The following CCDC40 variants were observed in gnomAD, a reference collection of about 807,000 sequenced individuals.
CCDC40 encodes coiled-coil domain 40 molecular ruler complex subunit.
A neutral mutation model predicts 124.5 loss-of-function variants in CCDC40; 104 were observed. The ratio of observed to expected loss-of-function variants is 0.84; its 90% confidence interval spans 0.71 to 0.98. The LOEUF (loss-of-function observed/expected upper bound fraction) is 0.98, where lower values mean the gene tolerates loss of function less well. Among genes scored for constraint, CCDC40 ranks in the 50% least tolerant of loss-of-function variants. The pLI is 0.00. For synonymous variants in CCDC40, 580 were observed against 602.9 expected, an observed-to-expected ratio of 0.96 and a Z score of 0.56; for missense variants, 1,463 against 1,503.9, an observed-to-expected ratio of 0.97 and a Z score of 0.45.
intron 9 of CCDC40, among the ~76,000 whole-genome samples, chr17:80,059,341 G>A (rs763762731): frequency 7.2e-5 from 11 of 152,108 alleles, no homozygotes; most frequent in Non-Finnish European, 1.0e-4. Flanking sequence ...TCTCACCCCC[G>A]TGGGCAGCCG....
At position 80,065,494 on chromosome 17, in the gene CCDC40, G is replaced by A. The variant is rs774355310; in HGVS notation, c.1450G>A (p.Glu484Lys). 19 of 1,613,072 alleles carry A rather than the reference G, an allele frequency of 1.2e-5. No homozygotes were observed. The highest frequency in any genetic ancestry group is 3.3e-5 in the Admixed American group (2 of 60,010). The part of the protein sequence containing the change: ...LRKAVSEACT[E>K]IDAISVEKRR... Reference sequence around the variant, plus strand: ...CCCCTGTTGGCTGCAGGCCTGCACCGAGATCGACGCCATCAGCGTGGAGAA... The same window carrying A: ...CCCCTGTTGGCTGCAGGCCTGCACCAAGATCGACGCCATCAGCGTGGAGAA... Residue 484 changes from glutamate to lysine, a missense_variant, in exon 10 of 20, where the codon GAG becomes AAG. Physicochemically the swap from Glu to Lys is moderately conservative, Grantham distance 56 (BLOSUM62 1). Transcript: ENST00000397545.
chr17:80,063,900 G>A (rs1035028289), intron 9 of CCDC40, among the ~76,000 whole-genome samples: 4 of 152,142 alleles, frequency 2.6e-5, no homozygotes, highest in East Asian at 1.9e-4. Flanking sequence ...TGACTGATAC[G>A]CTAATTACCT....
chr17:80,094,900 C>T (rs1382123527), intron 17 of CCDC40, among the ~76,000 whole-genome samples: 1 of 152,056 alleles, frequency 6.6e-6, no homozygotes, highest in Non-Finnish European at 1.5e-5. Context: ...AGAAATTAAC[C>T]TTCATGCAAT....
At chr17:80,079,406 C>T (rs998079780) in intron 10 of CCDC40, among the ~76,000 whole-genome samples, 1 of 152,082 alleles carries the variant, frequency 6.6e-6, no homozygotes, top group Non-Finnish European at 1.5e-5. Flanking sequence ...TAGTGTGTCC[C>T]GCTCTGCAGC....
At position 80,065,348 on chromosome 17, in the gene CCDC40, C is replaced by T. The variant is rs78696842; in HGVS notation, c.1441-137C>T. On this transcript the variant is annotated intron_variant, in intron 9 of 19. Coordinates refer to ENST00000397545, the MANE Select transcript of CCDC40 (RefSeq NM_017950.4). ...ATTCAGGCTCGTGTTTACCCCTCTGCAGATGCATGATCAAGGAAAGTACCG... is the reference window on the plus strand; with the variant it reads ...ATTCAGGCTCGTGTTTACCCCTCTGTAGATGCATGATCAAGGAAAGTACCG... 3.4e-6 allele frequency: 4 copies of T among 1,184,326 alleles called. No individual in the cohort carries two copies. The African/African-American group carries it at 4.6e-5, about 13-fold the overall frequency. 73.4% of individuals were successfully genotyped at this position (1,184,326 alleles called of 1,614,324 possible).
At chr17:80,049,020 T>G (rs1256242294) in intron 5 of CCDC40, among the ~76,000 whole-genome samples, 2 of 152,072 alleles carry the variant, frequency 1.3e-5, no homozygotes. Flanking sequence ...TGCTGTGCCT[T>G]GCATGGTGTG....
At chr17:80,085,757 C>CCTCCTGAGTTCAAGCGATT (rs1184005223) in intron 13 of CCDC40, among the ~76,000 whole-genome samples, 1 of 151,008 alleles carries the variant, frequency 6.6e-6, no homozygotes, top group South Asian at 2.1e-4. Context: ...TGCACATCTG[C>CCTCCTGAGTTCAAGCGATT]CTCCTGAGTT....
At chr17:80,070,883 T>A (rs2038169759) in intron 10 of CCDC40, among the ~76,000 whole-genome samples, 1 of 152,204 alleles carries the variant, frequency 6.6e-6, no homozygotes. Context: ...TGACCGTGGC[T>A]GTGGGCACAC....
intron 9 of CCDC40, among the ~76,000 whole-genome samples, chr17:80,064,500 C>T (rs1028772586): frequency 6.8e-6 from 1 of 147,734 alleles, no homozygotes. Flanking sequence ...GCCCCGGGGT[C>T]GCTCCTGTAC....
rs200641382 is a variant in CCDC40 at position 80,084,922 on chromosome 17, C to G, written c.2169C>G (p.Ile723Met). The G allele has an allele frequency of 3.1e-6, 5 of 1,614,032 alleles. No homozygotes were observed. The highest frequency in any genetic ancestry group is 1.7e-5 in the Admixed American group (1 of 60,010). The change falls in exon 13 of 20, where the codon ATC (isoleucine) becomes ATG (methionine). Residue 723 changes from isoleucine (I) to methionine (M), a missense_variant. Transcript: ENST00000397545. ...QSEISRRTILIERKQGLINFL... is the reference protein window; with the variant it reads ...QSEISRRTILMERKQGLINFL... ...AGATCTCCCGGCGCACGATCCTGAT[C>G]GAGAGGAAGCAAGGGCTCATCAACT... is the stretch of plus-strand genomic sequence containing the variant.
At chr17:80,082,326 A>G (rs1197558934) in intron 12 of CCDC40, among the ~76,000 whole-genome samples, 1 of 150,054 alleles carries the variant, frequency 6.7e-6, no homozygotes, top group African/African-American at 2.5e-5. Flanking sequence ...TTCGACGTCC[A>G]TGGCAGGGAA....
In CCDC40 at chr17:80,087,750, G is replaced by C; in HGVS notation, c.2593G>C (p.Glu865Gln). Reference sequence around the variant, plus strand: ...GCTGGAGCAGAACAACCGGGTGACAGAGAATGAGTTCGTGCGCTCGCTGAA... The same window carrying C: ...GCTGGAGCAGAACAACCGGGTGACACAGAATGAGTTCGTGCGCTCGCTGAA... Reference protein sequence around the residue: ...EELEQNNRVTENEFVRSLKAS... With the variant: ...EELEQNNRVTQNEFVRSLKAS... The change falls in exon 15 of 20, where the codon GAG (glutamate) becomes CAG (glutamine). Residue 865 changes from glutamate to glutamine, a missense_variant. Transcript: ENST00000397545. This position sits in a 1 kb window ranked among gnomAD's most constrained non-coding sequence, Gnocchi z 4.5. 6.2e-7 allele frequency: 1 copy of C among 1,614,174 alleles called. No individual in the cohort carries two copies. Among genetic ancestry groups the C allele is most frequent in the East Asian group, 2.2e-5 (1 of 44,876 alleles).
At chr17:80,097,434 G>T (rs1174088939) in intron 19 of CCDC40, 31 bp downstream of exon 19, 1 of 1,612,724 alleles carries the variant, frequency 6.2e-7, no homozygotes. Context: ...CCCTGGGGAT[G>T]ACGGCCATGG....
At chr17:80,057,682 C>T (rs1416469903) in intron 7 of CCDC40, among the ~76,000 whole-genome samples, 1 of 151,924 alleles carries the variant, frequency 6.6e-6, no homozygotes, top group East Asian at 2.0e-4. Flanking sequence ...GGAGATTATC[C>T]TGGCTAACAT....
rs377222257 is a variant in CCDC40 at position 80,097,353 on chromosome 17, T to A, written c.3130T>A (p.Phe1044Ile). 7.1e-5 allele frequency: 114 copies of A among 1,613,964 alleles called. No individual in the cohort carries two copies. In the African/African-American group the frequency reaches 1.2e-3, roughly 16 times the overall value. Residue 1044 changes from phenylalanine to isoleucine, a missense_variant, in exon 19 of 20, where the codon TTC becomes ATC. Transcript: ENST00000397545. ...QEKLSVIQAD[F>I]DTLEADLTRL... ...AAAGCTGTCGGTGATTCAGGCAGACTTCGACACACTCGAGGCCGACCTCAC... is the reference window on the plus strand; with the variant it reads ...AAAGCTGTCGGTGATTCAGGCAGACATCGACACACTCGAGGCCGACCTCAC...
intron 3 of CCDC40, among the ~76,000 whole-genome samples, chr17:80,044,704 A>ATGTGTATATGTAT (rs1485851817): frequency 2.7e-5 from 1 of 37,228 alleles, no homozygotes; most frequent in African/African-American, 7.9e-5. Flanking sequence ...AAAACAAACA[A>ATGTGTATATGTAT]ACAAAAAAAA....
chr17:80,089,940 G>C, intron 17 of CCDC40, 56 bp downstream of exon 17: 1 of 1,604,720 alleles, frequency 6.2e-7, no homozygotes, highest in African/African-American at 1.3e-5. Context: ...CTTGGGCTCT[G>C]GAGACCTGGC....
intron 17 of CCDC40, among the ~76,000 whole-genome samples, chr17:80,092,516 AAT>A (rs1452894590): frequency 2.6e-5 from 4 of 152,212 alleles, no homozygotes; most frequent in African/African-American, 9.6e-5. Context: ...ATGTCACATA[AAT>A]GGATCAAATA....
intron 12 of CCDC40, among the ~76,000 whole-genome samples, chr17:80,084,303 A>G (rs2038527598): frequency 6.6e-6 from 1 of 151,514 alleles, no homozygotes; most frequent in Admixed American, 6.6e-5. Flanking sequence ...AGGCAGCAGG[A>G]GAGAGAGTGT....
Sources: allele counts gnomAD v4.1 joint callset (sites outside exome capture counted in the v4.1 genomes callset), GRCh38; gene constraint gnomAD v4.1.1; non-coding constraint Gnocchi (gnomAD v3.1); transcripts MANE v1.5; gene names NCBI Gene and HGNC (gene_info 2026-07-23, HGNC 2026-07-21).